The following CSRNP3 variants were observed in gnomAD, a reference collection of about 807,000 sequenced individuals.
The protein encoded by CSRNP3 is cysteine and serine rich nuclear protein 3.
A neutral mutation model predicts 48.0 loss-of-function variants in CSRNP3; 12 were observed. The observed-to-expected ratio is 0.25, with a 90% CI of 0.16 to 0.41. The LOEUF is 0.41. Ranked by LOEUF, CSRNP3 falls within the 10% of genes least tolerant of loss-of-function variation. CSRNP3 has a pLI of 1.00. For missense variants in CSRNP3, 580 were observed against 724.4 expected, an observed-to-expected ratio of 0.80 and a Z score of 2.29; for synonymous variants, 263 against 269.7, an observed-to-expected ratio of 0.98 and a Z score of 0.24.
At chr2:165,523,904 C>T (rs990104719) in intron 3 of CSRNP3, among the ~76,000 whole-genome samples, 1 of 152,166 alleles carries the variant, frequency 6.6e-6, no homozygotes, top group Non-Finnish European at 1.5e-5. Flanking sequence ...TCTTCTTGTT[C>T]TTCCTAATCA....
chr2:165,547,911 C>G (rs1685052677), intron 3 of CSRNP3, among the ~76,000 whole-genome samples: 1 of 152,050 alleles, frequency 6.6e-6, no homozygotes, highest in South Asian at 2.1e-4. Context: ...ACTTATACAT[C>G]TATGCTTTAC....
At position 165,637,117 on chromosome 2, in the gene CSRNP3, G is replaced by T. The variant is rs538919933; in HGVS notation, c.149-20644G>T. Among the ~76,000 whole-genome samples the T allele has an allele frequency of 2.0e-5, 3 of 152,318 alleles. No individual in the cohort carries two copies. In the East Asian group the frequency reaches 5.8e-4, roughly 29 times the overall value. On this transcript the variant is annotated intron_variant, in intron 4 of 6. Transcript: ENST00000651982. ...AGATCAAGGCAACAGGTGAGTCACAGAAATATGATTCTAGGTTGATTCAAC... is the reference window on the plus strand; with the variant it reads ...AGATCAAGGCAACAGGTGAGTCACATAAATATGATTCTAGGTTGATTCAAC...
chr2:165,515,980 A>G (rs1188974508), intron 2 of CSRNP3, among the ~76,000 whole-genome samples: 2 of 151,328 alleles, frequency 1.3e-5, no homozygotes, highest in Non-Finnish European at 3.0e-5. Context: ...TAATTTTTAC[A>G]TTTTTAGTAG....
chr2:165,529,250 C>T (rs569577088), intron 3 of CSRNP3, among the ~76,000 whole-genome samples: 2 of 152,206 alleles, frequency 1.3e-5, no homozygotes, highest in South Asian at 2.1e-4. Flanking sequence ...GGGCCAGGGG[C>T]GAAATGATGT....
At position 165,548,742 on chromosome 2, in the gene CSRNP3, G is replaced by A. The variant is rs533370418; in HGVS notation, c.-24+30781G>A. 2.0e-5 allele frequency among the ~76,000 whole-genome samples: 3 copies of A among 152,112 alleles called. No individual in the cohort carries two copies. In the South Asian group the frequency reaches 6.2e-4, roughly 31 times the overall value. On this transcript the variant is annotated intron_variant, in intron 3 of 6. Coordinates refer to ENST00000651982, the MANE Select transcript of CSRNP3 (RefSeq NM_001172173.2). The stretch of plus-strand genomic sequence containing the variant: ...AGTACCTAAAATCTACCAGGAACCA[G>A]TCTGTTCTTTTTAAGTGACTTATTT...
rs1335046911 is a variant in CSRNP3 at position 165,520,804 on chromosome 2, T to C, written c.-24+2843T>C. ...TATATTATATATATATATATATATA[T>C]ATATATATATATATATATATATACA... On this transcript the variant is annotated intron_variant, in intron 3 of 6. Transcript: ENST00000651982. 2.7e-3 allele frequency among the ~76,000 whole-genome samples: 165 copies of C among 60,040 alleles called. 3 individuals are homozygous for C. Among genetic ancestry groups the C allele is most frequent in the Non-Finnish European group, 4.9e-3 (144 of 29,336 alleles). 39.4% of individuals were successfully genotyped at this position (60,040 alleles called of 152,430 possible).
At position 165,679,039 on chromosome 2, in the gene CSRNP3, T is replaced by C. The variant is rs1421338617; in HGVS notation, c.1044T>C (p.Asp348=). 9.3e-6 allele frequency: 15 copies of C among 1,613,626 alleles called. No homozygotes were observed. In the Admixed American group the frequency reaches 2.0e-4, roughly 22 times the overall value. Residue 348 remains aspartate, a synonymous_variant, in exon 7 of 7, where the codon GAT becomes GAC. Transcript: ENST00000651982. ...CQGEEEEEEE[D]GSSFCSGVTD... is the part of the protein sequence containing the mutation. ...GAGAGGAGGAGGAAGAAGAGGAGGATGGGAGCAGCTTTTGCAGCGGAGTCA... is the reference window on the plus strand; with the variant it reads ...GAGAGGAGGAGGAAGAAGAGGAGGACGGGAGCAGCTTTTGCAGCGGAGTCA...
At chr2:165,538,972 C>T (rs889471225) in intron 3 of CSRNP3, among the ~76,000 whole-genome samples, 2 of 151,856 alleles carry the variant, frequency 1.3e-5, no homozygotes, top group Non-Finnish European at 1.5e-5. Context: ...AAAAGAAATA[C>T]TCCTAACGAT....
intron 2 of CSRNP3, among the ~76,000 whole-genome samples, chr2:165,517,213 G>A (rs569171502): frequency 2.8e-4 from 42 of 151,986 alleles, no homozygotes; most frequent in South Asian, 2.1e-4. Flanking sequence ...TATCATTACT[G>A]CCCGGGTTTC....
chr2:165,563,700 C>T (rs1409043117), intron 3 of CSRNP3, among the ~76,000 whole-genome samples: 1 of 152,112 alleles, frequency 6.6e-6, no homozygotes, highest in Non-Finnish European at 1.5e-5. Flanking sequence ...TTTTGTCTTC[C>T]AGGCACTCTC....
intron 4 of CSRNP3, among the ~76,000 whole-genome samples, chr2:165,632,616 C>T (rs1686557981): frequency 6.6e-6 from 1 of 152,126 alleles, no homozygotes; most frequent in Non-Finnish European, 1.5e-5. Flanking sequence ...TTTTTAAAAG[C>T]TAAACCTAGA....
At chr2:165,586,991 A>G (rs1022240556) in intron 3 of CSRNP3, among the ~76,000 whole-genome samples, 16 of 152,228 alleles carry the variant, frequency 1.1e-4, no homozygotes, top group Admixed American at 3.9e-4. Flanking sequence ...GGACAGAAAT[A>G]TATTAAATGA....
intron 3 of CSRNP3, among the ~76,000 whole-genome samples, chr2:165,524,387 A>G (rs13400993): frequency 5.8e-4 from 89 of 152,322 alleles, no homozygotes; most frequent in African/African-American, 2.0e-3. Flanking sequence ...AATAAATTCA[A>G]TAGCTTATAG....
rs754739038 is a variant in CSRNP3 at position 165,679,705 on chromosome 2, G to A, written c.1710G>A (p.Leu570=). 1 of 1,614,030 alleles carries A rather than the reference G, an allele frequency of 6.2e-7. No individual in the cohort carries two copies. Among genetic ancestry groups the A allele is most frequent in the South Asian group, 1.1e-5 (1 of 91,084 alleles). Residue 570 remains leucine (L), a synonymous_variant, in exon 7 of 7, where the codon TTG becomes TTA. Coordinates refer to ENST00000651982, the MANE Select transcript of CSRNP3 (RefSeq NM_001172173.2). ...NSLSLAEKSI[L]HEECIKSPVV... ...TGAGCCTTGCAGAAAAGAGCATATT[G>A]CATGAAGAGTGCATCAAATCACCCG...
At chr2:165,502,384 T>C (rs1015827786) in intron 2 of CSRNP3, among the ~76,000 whole-genome samples, 1 of 152,020 alleles carries the variant, frequency 6.6e-6, no homozygotes, top group African/African-American at 2.4e-5. Context: ...TCTGGGTGTT[T>C]TTAAAAATCT....
intron 3 of CSRNP3, among the ~76,000 whole-genome samples, chr2:165,555,700 A>G (rs145047832): frequency 0.019 from 2,872 of 152,324 alleles, 26 homozygotes; most frequent in Non-Finnish European, 0.029. Flanking sequence ...GGAAACAATG[A>G]CAAAAGGCTC....
chr2:165,515,829 A>G (rs1684575473), intron 2 of CSRNP3, among the ~76,000 whole-genome samples: 1 of 116,222 alleles, frequency 8.6e-6, no homozygotes, highest in Non-Finnish European at 1.7e-5. Context: ...TTTTTGAGAC[A>G]GGGTCTTGCT....
intron 3 of CSRNP3, among the ~76,000 whole-genome samples, chr2:165,571,935 C>G (rs945894137): frequency 2.0e-5 from 3 of 151,710 alleles, no homozygotes; most frequent in Non-Finnish European, 4.4e-5. Flanking sequence ...AACAAAACAC[C>G]AAGAAAAAGA....
In CSRNP3 at chr2:165,679,102, A is replaced by C. The variant is rs1160624610; in HGVS notation, c.1107A>C (p.Ser369=). 4 of 1,612,820 alleles carry C rather than the reference A, an allele frequency of 2.5e-6. No homozygotes were observed. Among genetic ancestry groups the C allele is most frequent in the Non-Finnish European group, 3.4e-6 (4 of 1,179,156 alleles). ...SSTQSLAPSE[S]DEEEEEEEEE... ...CGCAAAGCTTGGCACCTAGTGAGTC[A>C]GACGAGGAGGAGGAGGAAGAAGAAG... The change falls in exon 7 of 7, where the codon TCA becomes TCC. Residue 369 remains serine, a synonymous_variant. Coordinates refer to ENST00000651982, the MANE Select transcript of CSRNP3 (RefSeq NM_001172173.2).
Sources: allele counts gnomAD v4.1 joint callset (sites outside exome capture counted in the v4.1 genomes callset), GRCh38; gene constraint gnomAD v4.1.1; transcripts MANE v1.5; gene names NCBI Gene and HGNC (gene_info 2026-07-23, HGNC 2026-07-21).